The following RIMS1 variants were observed in gnomAD, a reference collection of about 807,000 sequenced individuals.
RIMS1 encodes regulating synaptic membrane exocytosis 1.
Under a neutral mutation model 214.1 loss-of-function variants are expected in RIMS1, and 83 were observed. The ratio of observed to expected loss-of-function variants is 0.39; its 90% CI spans 0.32 to 0.47. RIMS1 has a LOEUF of 0.47. RIMS1 is among the 20% of genes least tolerant of loss of function. The pLI is 0.99. For missense variants in RIMS1, 2,050 were observed against 2,161.8 expected (o/e 0.95, Z 1.03); for synonymous variants, 793 against 786.8 (o/e 1.01, Z -0.13).
At chr6:71,946,394 G>A (rs899236983) in intron 1 of RIMS1, among the ~76,000 whole-genome samples, 2 of 152,126 alleles carry the variant, frequency 1.3e-5, no homozygotes, top group Non-Finnish European at 2.9e-5. Flanking sequence ...CCACAAAACT[G>A]TAGTAATCAA....
chr6:72,166,839 G>A (rs1359122253), intron 4 of RIMS1, among the ~76,000 whole-genome samples: 2 of 151,998 alleles, frequency 1.3e-5, no homozygotes, highest in Non-Finnish European at 2.9e-5. Context: ...GTGTTTTGTA[G>A]ATTTTTTTTG....
At chr6:72,347,817 C>T (rs1421004645) in intron 29 of RIMS1, among the ~76,000 whole-genome samples, 6 of 151,830 alleles carry the variant, frequency 4.0e-5, no homozygotes, top group Admixed American at 6.6e-5. Context: ...CAACTTCCTA[C>T]CAGGACCGAA....
At chr6:71,890,251 A>T (rs1396681008) in intron 1 of RIMS1, among the ~76,000 whole-genome samples, 1 of 152,208 alleles carries the variant, frequency 6.6e-6, no homozygotes, top group African/African-American at 2.4e-5. Context: ...TATCATAAAA[A>T]GAATTCGTTT....
At chr6:72,335,941 G>A (rs1156985460) in intron 29 of RIMS1, among the ~76,000 whole-genome samples, 1 of 151,708 alleles carries the variant, frequency 6.6e-6, no homozygotes, top group East Asian at 1.9e-4. Flanking sequence ...TTGTAAATTT[G>A]TTTAAGTTCT....
At position 72,325,274 on chromosome 6, in the gene RIMS1, C is replaced by T. The variant is rs968102488; in HGVS notation, c.4131-8326C>T. The stretch of plus-strand genomic sequence containing the variant: ...AAACAAAATTTTAGCAAATTGAATC[C>T]AGATAGAGAGAGGGATGATAAATGA... On this transcript the variant is annotated intron_variant, in intron 28 of 33. Transcript: ENST00000521978. Among the ~76,000 whole-genome samples, 13 of 151,572 alleles carry T rather than the reference C, an allele frequency of 8.6e-5. No homozygotes were observed. In the East Asian group the frequency reaches 2.5e-3, roughly 29 times the overall value.
chr6:72,329,706 T>A (rs1413616964), intron 28 of RIMS1, among the ~76,000 whole-genome samples: 1 of 151,710 alleles, frequency 6.6e-6, no homozygotes, highest in Non-Finnish European at 1.5e-5. Flanking sequence ...TCAAGAAAAG[T>A]GGCCAGAAAA....
intron 29 of RIMS1, among the ~76,000 whole-genome samples, chr6:72,349,123 A>G (rs2097362227): frequency 6.6e-6 from 1 of 151,996 alleles, no homozygotes; most frequent in South Asian, 2.1e-4. Flanking sequence ...TCATTACAAA[A>G]TCATTTATAC....
Position 72,237,909 on chromosome 6 carries a change from A to G in RIMS1, c.1944A>G (p.Gly648=), listed in dbSNP as rs150583889. The G allele has an allele frequency of 6.2e-6, 10 of 1,611,692 alleles. No homozygotes were observed. The African/African-American group carries it at 1.3e-4, about 22-fold the overall frequency. ...VKKGSLADVV[G]HLRAGDEVLE... is the part of the protein sequence containing the mutation. ...AGGGTAGCCTAGCAGATGTAGTTGG[A>G]CACCTAAGAGCAGGTAAAGTTTCTT... Residue 648 remains glycine (G), a synonymous_variant, in exon 9 of 34, where the codon GGA becomes GGG. Transcript: ENST00000521978.
intron 28 of RIMS1, among the ~76,000 whole-genome samples, chr6:72,323,199 C>T (rs1470034694): frequency 6.6e-6 from 1 of 152,002 alleles, no homozygotes; most frequent in Non-Finnish European, 1.5e-5. Flanking sequence ...AGAATTTTAC[C>T]TATTTTGGAG....
intron 2 of RIMS1, among the ~76,000 whole-genome samples, chr6:72,009,136 A>G (rs866459597): frequency 2.3e-4 from 35 of 152,238 alleles, no homozygotes; most frequent in African/African-American, 8.0e-4. Context: ...CTCAGACCAC[A>G]GTGCAATCAA....
At chr6:72,275,080 T>G (rs2085480871) in intron 23 of RIMS1, among the ~76,000 whole-genome samples, 1 of 141,114 alleles carries the variant, frequency 7.1e-6, no homozygotes, top group Non-Finnish European at 1.5e-5. Flanking sequence ...ACTTTGTTAT[T>G]CTTCTCAGTG....
intron 29 of RIMS1, among the ~76,000 whole-genome samples, chr6:72,372,598 A>G (rs922424317): frequency 2.0e-5 from 3 of 152,264 alleles, no homozygotes; most frequent in South Asian, 2.1e-4. Context: ...AGGGACATAC[A>G]GTACTTTTCT....
chr6:71,895,770 A>G (rs1173157513), intron 1 of RIMS1, among the ~76,000 whole-genome samples: 1 of 150,620 alleles, frequency 6.6e-6, no homozygotes, highest in Non-Finnish European at 1.5e-5. Context: ...TGTGGTTTTT[A>G]TTCTGGAAAA....
In RIMS1 at chr6:72,009,597, AAG is replaced by A. The variant is rs1244391749; in HGVS notation, c.245+40540_245+40541del. 3.3e-5 allele frequency among the ~76,000 whole-genome samples: 5 copies of A among 152,208 alleles called. No individual in the cohort carries two copies. In the East Asian group the frequency reaches 9.6e-4, roughly 29 times the overall value. ...CGCTAGCAAGACTAATAAAGAAAAA[AAG>A]AGAGAAGAATCAAATAGACTCAATA... On this transcript the variant is annotated intron_variant, in intron 2 of 33. Transcript: ENST00000521978.
intron 29 of RIMS1, among the ~76,000 whole-genome samples, chr6:72,349,957 T>A (rs1207156281): frequency 2.6e-5 from 4 of 152,074 alleles, no homozygotes; most frequent in Non-Finnish European, 5.9e-5. Flanking sequence ...TCATAGGTTT[T>A]GGAGACTTAT....
intron 29 of RIMS1, among the ~76,000 whole-genome samples, chr6:72,336,615 A>C (rs1256539282): frequency 1.3e-5 from 2 of 151,814 alleles, no homozygotes; most frequent in Non-Finnish European, 2.9e-5. Context: ...TTCTTATATA[A>C]TGATGGGTTG....
intron 4 of RIMS1, among the ~76,000 whole-genome samples, chr6:72,149,735 A>T (rs1227799373): frequency 1.3e-5 from 2 of 152,346 alleles, no homozygotes; most frequent in East Asian, 3.9e-4. Context: ...GAAATGATGC[A>T]GGATTTTTCT....
intron 28 of RIMS1, among the ~76,000 whole-genome samples, chr6:72,324,736 C>A (rs2096370542): frequency 6.6e-6 from 1 of 151,896 alleles, no homozygotes; most frequent in African/African-American, 2.4e-5. Context: ...CAGGCTAAAT[C>A]TGGCCCACTG....
intron 28 of RIMS1, among the ~76,000 whole-genome samples, chr6:72,332,676 A>G (rs2096711041): frequency 6.6e-6 from 1 of 150,544 alleles, no homozygotes; most frequent in African/African-American, 2.5e-5. Context: ...CCTAAAACTT[A>G]AAGTATAAAA....
Sources: allele counts gnomAD v4.1 joint callset (sites outside exome capture counted in the v4.1 genomes callset), GRCh38; gene constraint gnomAD v4.1.1; transcripts MANE v1.5; gene names NCBI Gene and HGNC (gene_info 2026-07-23, HGNC 2026-07-21).